Variants in LYPD6 observed in about 807,000 individuals in gnomAD.
The protein encoded by LYPD6 is ly6/PLAUR domain-containing protein 6.
Under a neutral mutation model 22.7 loss-of-function variants are expected in LYPD6, and 15 were observed. That is an observed-to-expected ratio of 0.66 (90% CI 0.44 to 1.02). LYPD6 has a LOEUF of 1.02. Among genes scored for constraint, LYPD6 ranks in the 50% least tolerant of loss-of-function variants. The pLI, the probability that LYPD6 is intolerant of heterozygous loss-of-function variation, is 0.00. For synonymous variants in LYPD6, 72 were observed against 77.5 expected, an observed-to-expected ratio of 0.93 and a Z score of 0.37; for missense variants, 189 against 208.4, an observed-to-expected ratio of 0.91 and a Z score of 0.57.
downstream of LYPD6, among the ~76,000 whole-genome samples, chr2:149,475,494 CA>C (rs1338171615): frequency 2.0e-5 from 3 of 152,104 alleles, no homozygotes; most frequent in Non-Finnish European, 4.4e-5. Context: ...CGCAAATTTC[CA>C]AAGTGTCTTT....
At chr2:149,331,820 G>C (rs1414174194) in intron 1 of LYPD6, among the ~76,000 whole-genome samples, 1 of 152,164 alleles carries the variant, frequency 6.6e-6, no homozygotes, top group Admixed American at 6.5e-5. Context: ...TTCTCCAGGG[G>C]GAAGCTTATT....
chr2:149,459,276 C>T (rs1681034436), intron 3 of LYPD6, among the ~76,000 whole-genome samples: 1 of 152,100 alleles, frequency 6.6e-6, no homozygotes, highest in South Asian at 2.1e-4. Flanking sequence ...GCTATCAATG[C>T]TGAATCTTAT....
chr2:149,469,131 C>G (rs1573833981), intron 4 of LYPD6, among the ~76,000 whole-genome samples: 1 of 152,316 alleles, frequency 6.6e-6, no homozygotes, highest in Non-Finnish European at 1.5e-5. Context: ...TCATTCATCA[C>G]AGGAGGACCG....
intron 3 of LYPD6, among the ~76,000 whole-genome samples, chr2:149,456,112 G>GC (rs1430320699): frequency 2.6e-5 from 4 of 152,176 alleles, no homozygotes; most frequent in African/African-American, 9.6e-5. Context: ...GAGCAGAAAA[G>GC]CCAAAACAAT....
At chr2:149,398,680 C>T (rs1322321592) in intron 1 of LYPD6, among the ~76,000 whole-genome samples, 2 of 151,986 alleles carry the variant, frequency 1.3e-5, no homozygotes, top group African/African-American at 2.4e-5. Flanking sequence ...TTCACAGTTC[C>T]CAAACAGCTC....
intron 3 of LYPD6, 109 bp from the exon 4 acceptor site, chr2:149,468,536 T>C (rs1341144254): frequency 1.3e-5 from 17 of 1,262,910 alleles, no homozygotes; most frequent in African/African-American, 1.5e-5. Flanking sequence ...GCACATCTTA[T>C]GTGCTATTAG....
intron 1 of LYPD6, among the ~76,000 whole-genome samples, chr2:149,404,598 TGCTGAAGTTGCTTATCAG>T (rs1682650549): frequency 6.6e-6 from 1 of 152,244 alleles, no homozygotes; most frequent in Admixed American, 6.5e-5. Context: ...CCTGAGACTT[TGCTGAAGTTGCTTATCAG>T]CTTAAGGAGA....
At chr2:149,395,102 A>AT (rs59440032) in intron 1 of LYPD6, among the ~76,000 whole-genome samples, 5,160 of 144,986 alleles carry the variant, frequency 0.036, 259 homozygotes, top group African/African-American at 0.12. Flanking sequence ...GAGACCAACC[A>AT]TTTTTTTTTT....
At chr2:149,340,784 G>C (rs1192494131) in intron 1 of LYPD6, among the ~76,000 whole-genome samples, 1 of 152,086 alleles carries the variant, frequency 6.6e-6, no homozygotes. Flanking sequence ...CATAATATTG[G>C]TATATAGACT....
At chr2:149,463,357 TA>T (rs1327108569) in intron 3 of LYPD6, among the ~76,000 whole-genome samples, 7 of 152,036 alleles carry the variant, frequency 4.6e-5, no homozygotes, top group South Asian at 2.1e-4. Context: ...TCAGAATACC[TA>T]AAATAAAGAA....
chr2:149,350,622 A>G (rs1681340589), intron 1 of LYPD6, among the ~76,000 whole-genome samples: 1 of 152,156 alleles, frequency 6.6e-6, no homozygotes, highest in Non-Finnish European at 1.5e-5. Context: ...TATTCTATGT[A>G]TGTACTTTCC....
chr2:149,460,797 A>G (rs555869841), intron 3 of LYPD6, among the ~76,000 whole-genome samples: 2 of 152,232 alleles, frequency 1.3e-5, no homozygotes, highest in African/African-American at 2.4e-5. Context: ...TTCTGACACA[A>G]TAGAATTAAA....
intron 1 of LYPD6, among the ~76,000 whole-genome samples, chr2:149,420,637 A>C (rs1357151202): frequency 6.6e-6 from 1 of 152,196 alleles, no homozygotes; most frequent in African/African-American, 2.4e-5. Context: ...CATCAGGTTT[A>C]GGGCTGAGCA....
intron 2 of LYPD6, 111 bp downstream of exon 2, chr2:149,437,937 T>C: frequency 8.6e-7 from 1 of 1,156,436 alleles, no homozygotes; most frequent in Non-Finnish European, 1.3e-6. Flanking sequence ...TCCCGTGATT[T>C]AACTGGGGTG....
At chr2:149,378,850 C>G (rs751899895) in intron 1 of LYPD6, among the ~76,000 whole-genome samples, 11 of 152,202 alleles carry the variant, frequency 7.2e-5, no homozygotes, top group Non-Finnish European at 1.3e-4. Flanking sequence ...ACTGCCCCAT[C>G]CTGGAAACTT....
intron 1 of LYPD6, among the ~76,000 whole-genome samples, chr2:149,397,052 AT>A (rs1682442428): frequency 6.6e-6 from 1 of 152,226 alleles, no homozygotes; most frequent in African/African-American, 2.4e-5. Context: ...GTTATACTGT[AT>A]TTTTTATGTT....
intron 1 of LYPD6, among the ~76,000 whole-genome samples, chr2:149,361,201 T>C (rs1239942999): frequency 2.0e-5 from 3 of 152,168 alleles, no homozygotes; most frequent in African/African-American, 7.2e-5. Flanking sequence ...GATACAGTTA[T>C]GGGAGGTAAC....
chr2:149,474,499 C>T (rs928453255), downstream of LYPD6, among the ~76,000 whole-genome samples: 2 of 152,156 alleles, frequency 1.3e-5, no homozygotes, highest in African/African-American at 4.8e-5. Flanking sequence ...TGAGCCACTG[C>T]ACCCAATCTC....
the LYPD6 span, among the ~76,000 whole-genome samples, chr2:149,479,932 C>T: frequency 5.3e-5 from 8 of 152,066 alleles, no homozygotes; most frequent in African/African-American, 1.9e-4. Flanking sequence ...CTGCACTGGC[C>T]ACATAGCCTT....
Sources: gnomAD v4.1 joint callset for allele counts (sites outside exome capture counted in the v4.1 genomes callset) on GRCh38, gnomAD v4.1.1 for gene constraint, MANE v1.5 for transcripts, NCBI Gene and HGNC (gene_info 2026-07-23, HGNC 2026-07-21) for gene names.